Variants in CCSER1 observed in about 807,000 individuals in gnomAD.
CCSER1 encodes serine-rich coiled-coil domain-containing protein 1.
CCSER1 carries 41 observed loss-of-function variants against 82.0 expected under a neutral mutation model. The observed-to-expected ratio is 0.50, with a 90% CI of 0.39 to 0.65. CCSER1 has a LOEUF of 0.65. Ranked by LOEUF, CCSER1 falls within the 30% of genes least tolerant of loss-of-function variation. The pLI is 0.00. For missense variants in CCSER1, 1,119 were observed against 1,064.2 expected, an observed-to-expected ratio of 1.05 and a Z score of -0.72; for synonymous variants, 414 against 383.9, an observed-to-expected ratio of 1.08 and a Z score of -0.92.
chr4:90,885,027 A>G (rs1283558749), intron 8 of CCSER1, among the ~76,000 whole-genome samples: 1 of 152,192 alleles, frequency 6.6e-6, no homozygotes, highest in Non-Finnish European at 1.5e-5. Context: ...TTCTACTAAA[A>G]GCATAAACTC....
intron 6 of CCSER1, among the ~76,000 whole-genome samples, chr4:90,698,486 T>C (rs548322123): frequency 9.8e-5 from 15 of 152,314 alleles, no homozygotes; most frequent in Admixed American, 1.3e-4. Flanking sequence ...CTGGGAATGA[T>C]AGAGTTGGCA....
chr4:91,232,793 CT>C (rs1738723162), intron 10 of CCSER1, among the ~76,000 whole-genome samples: 1 of 151,546 alleles, frequency 6.6e-6, no homozygotes, highest in African/African-American at 2.4e-5. Flanking sequence ...AGCACTTGTC[CT>C]TTTAAGAAAG....
chr4:90,701,064 T>G (rs190761560), intron 6 of CCSER1, among the ~76,000 whole-genome samples: 89 of 152,340 alleles, frequency 5.8e-4, no homozygotes, highest in Middle Eastern at 3.4e-3. Flanking sequence ...TGCCCATGCC[T>G]ATGTCCTGAA....
intron 10 of CCSER1, among the ~76,000 whole-genome samples, chr4:91,511,892 A>G (rs1342135571): frequency 2.0e-5 from 3 of 152,314 alleles, no homozygotes; most frequent in Admixed American, 6.5e-5. Flanking sequence ...ATGCGCTTGA[A>G]TCATCCCAAA....
chr4:91,502,097 T>C (rs77269884), intron 10 of CCSER1, among the ~76,000 whole-genome samples: 294 of 152,306 alleles, frequency 1.9e-3, no homozygotes, highest in Non-Finnish European at 3.5e-3. Flanking sequence ...CAGAAACTGG[T>C]ATACAGGAGT....
At chr4:90,325,409 T>A (rs1041644069) in intron 3 of CCSER1, among the ~76,000 whole-genome samples, 5 of 152,332 alleles carry the variant, frequency 3.3e-5, no homozygotes, top group Admixed American at 6.5e-5. Context: ...CATATCCCTT[T>A]AAAATTAAGA....
At chr4:90,153,628 G>T (rs1425843368) in intron 1 of CCSER1, among the ~76,000 whole-genome samples, 3 of 152,176 alleles carry the variant, frequency 2.0e-5, no homozygotes, top group East Asian at 3.9e-4. Flanking sequence ...GCATTTCTCT[G>T]ATGGCCAGTG....
intron 1 of CCSER1, among the ~76,000 whole-genome samples, chr4:90,212,576 C>G (rs1479311404): frequency 6.6e-6 from 1 of 152,114 alleles, no homozygotes; most frequent in Admixed American, 6.6e-5. Flanking sequence ...CCTGAATAAA[C>G]TATATTACAT....
At chr4:90,570,392 G>A (rs773497405) in intron 5 of CCSER1, among the ~76,000 whole-genome samples, 25 of 152,034 alleles carry the variant, frequency 1.6e-4, no homozygotes, top group Non-Finnish European at 2.8e-4. Context: ...GAAAACCCTG[G>A]GCTGTGGGCA....
chr4:91,530,723 G>T (rs1760986723), intron 10 of CCSER1, among the ~76,000 whole-genome samples: 1 of 141,806 alleles, frequency 7.1e-6, no homozygotes, highest in Non-Finnish European at 1.5e-5. Context: ...TGCTTTGGTT[G>T]CCCAGGGCGG....
chr4:90,723,505 T>C (rs1421639834), intron 6 of CCSER1, among the ~76,000 whole-genome samples: 1 of 151,906 alleles, frequency 6.6e-6, no homozygotes, highest in Non-Finnish European at 1.5e-5. Flanking sequence ...TTTAAATCTT[T>C]ATAGAAGAAA....
chr4:91,094,749 C>G (rs1157913961), intron 10 of CCSER1, among the ~76,000 whole-genome samples: 1 of 152,104 alleles, frequency 6.6e-6, no homozygotes, highest in African/African-American at 2.4e-5. Context: ...CATCGCTTAG[C>G]TAGAGCCGGT....
At chr4:91,456,687 G>A (rs1451014820) in intron 10 of CCSER1, among the ~76,000 whole-genome samples, 1 of 151,890 alleles carries the variant, frequency 6.6e-6, no homozygotes, top group Non-Finnish European at 1.5e-5. Flanking sequence ...CAAGTTACCA[G>A]GTGAAAGTTA....
intron 9 of CCSER1, among the ~76,000 whole-genome samples, chr4:91,081,531 C>T (rs554238577): frequency 1.9e-3 from 295 of 152,242 alleles, no homozygotes; most frequent in Non-Finnish European, 3.3e-3. Context: ...CTCACCACTC[C>T]TATTCAACAT....
chr4:91,016,226 T>G (rs1342678184), intron 9 of CCSER1, among the ~76,000 whole-genome samples: 2 of 152,006 alleles, frequency 1.3e-5, no homozygotes, highest in African/African-American at 4.8e-5. Flanking sequence ...CTTTTCAAAA[T>G]TAATATTAAC....
At chr4:91,171,208 TC>T (rs1318793306) in intron 10 of CCSER1, among the ~76,000 whole-genome samples, 1 of 152,206 alleles carries the variant, frequency 6.6e-6, no homozygotes, top group Non-Finnish European at 1.5e-5. Flanking sequence ...AAATATTTTT[TC>T]ATCCCTAAGT....
chr4:90,600,397 T>C (rs1330920125), intron 5 of CCSER1, among the ~76,000 whole-genome samples: 1 of 152,162 alleles, frequency 6.6e-6, no homozygotes. Flanking sequence ...TAGTCATTTT[T>C]CTTTGTGGTT....
rs147156903 is a variant in CCSER1 at position 90,400,160 on chromosome 4, C to G, written c.1603+31C>G. ...TGTTAAAGAGATGAATAATATCATA[C>G]AACTCCTACCCTGGTCAGTAGCTTT... On this transcript the variant is annotated intron_variant, in intron 4 of 10. Transcript: ENST00000509176. The G allele has an allele frequency of 3.0e-4, 364 of 1,227,924 alleles. 1 individual carries two copies. The East Asian group carries it at 8.1e-3, about 27-fold the overall frequency. The allele number at this position is 1,227,924 out of a possible 1,614,324, so 76.1% of individuals were successfully genotyped here.
At chr4:91,097,186 A>G (rs1243097909) in intron 10 of CCSER1, among the ~76,000 whole-genome samples, 4 of 152,170 alleles carry the variant, frequency 2.6e-5, no homozygotes, top group Admixed American at 2.0e-4. Context: ...CTAAAATCAC[A>G]TGATATGTGA....
Sources: gnomAD v4.1 joint callset for allele counts (sites outside exome capture counted in the v4.1 genomes callset) on GRCh38, gnomAD v4.1.1 for gene constraint, MANE v1.5 for transcripts, NCBI Gene and HGNC (gene_info 2026-07-23, HGNC 2026-07-21) for gene names.